MAP4K5: variants seen among roughly 807,000 people sequenced by gnomAD.
MAP4K5 encodes mitogen-activated protein kinase kinase kinase kinase 5.
Under a neutral mutation model 135.6 loss-of-function variants are expected in MAP4K5, and 82 were observed. The observed-to-expected ratio is 0.60, with a 90% CI of 0.51 to 0.73. MAP4K5 has a LOEUF of 0.73. MAP4K5 is among the 30% of genes least tolerant of loss of function. The pLI is 0.00. For synonymous variants in MAP4K5, 347 were observed against 335.0 expected, an observed-to-expected ratio of 1.04 and a Z score of -0.39; for missense variants, 907 against 1,010.9, an observed-to-expected ratio of 0.90 and a Z score of 1.39.
At chr14:50,493,378 T>G (rs552759495) in intron 3 of MAP4K5, among the ~76,000 whole-genome samples, 1 of 152,368 alleles carries the variant, frequency 6.6e-6, no homozygotes, top group East Asian at 1.9e-4. Context: ...TATGAAGTTC[T>G]GCATATCACA....
At chr14:50,507,330 G>GT (rs1363653575) in intron 2 of MAP4K5, among the ~76,000 whole-genome samples, 2 of 152,208 alleles carry the variant, frequency 1.3e-5, no homozygotes, top group South Asian at 2.1e-4. Context: ...TTTTTGAAGG[G>GT]TTTTTTGTGT....
chr14:50,536,020 T>C (rs2038487082), upstream of MAP4K5, among the ~76,000 whole-genome samples: 1 of 152,266 alleles, frequency 6.6e-6, no homozygotes, highest in Non-Finnish European at 1.5e-5. Context: ...CATGACTTGC[T>C]CTTCCTTGCC....
In MAP4K5 at chr14:50,444,250, C is replaced by T. The variant is rs997917336; in HGVS notation, c.1340-214G>A. Among the ~76,000 whole-genome samples, 9 of 151,922 alleles carry T rather than the reference C, an allele frequency of 5.9e-5. No individual in the cohort carries two copies. In the East Asian group the frequency reaches 1.3e-3, roughly 23 times the overall value. On this transcript the variant is annotated intron_variant, in intron 18 of 32. Coordinates refer to ENST00000682126, the MANE Select transcript of MAP4K5 (RefSeq NM_006575.6). ...GCAGTGGTCTTAATCCATGTTTTTC[C>T]GTATCATGAAGAAAAAAAATCTGAC...
intron 26 of MAP4K5, among the ~76,000 whole-genome samples, chr14:50,435,312 C>A (rs768596414): frequency 1.3e-5 from 2 of 152,122 alleles, no homozygotes; most frequent in African/African-American, 2.4e-5. Context: ...CAATAACAAC[C>A]TAACATGCAA....
In MAP4K5 at chr14:50,472,159, T is replaced by TA. The variant is rs60203442; in HGVS notation, c.542+2917dup. The TA allele has an allele frequency of 5.1e-3, 555 of 108,322 alleles. 1 individual carries two copies. The highest frequency in any genetic ancestry group is 0.012 in the South Asian group (44 of 3,530). 6.7% of individuals were successfully genotyped at this position (108,322 alleles called of 1,614,324 possible). ...ATACTGGAGAGAAACTCTATGAAGGTAAAAAAAAAAAAAAAAAAGTGGTAA... is the reference window on the plus strand; with the variant it reads ...ATACTGGAGAGAAACTCTATGAAGGTAAAAAAAAAAAAAAAAAAAGTGGTAA... On this transcript the variant is annotated intron_variant, in intron 9 of 32. Coordinates refer to ENST00000682126, the MANE Select transcript of MAP4K5 (RefSeq NM_006575.6).
At chr14:50,499,351 A>G (rs986161834) in intron 3 of MAP4K5, among the ~76,000 whole-genome samples, 2 of 152,124 alleles carry the variant, frequency 1.3e-5, no homozygotes, top group African/African-American at 4.8e-5. Context: ...CATTGGAACC[A>G]ACAAGGAATA....
chr14:50,518,556 G>A lies in MAP4K5; in HGVS notation c.108+13386C>T, dbSNP rs1422843831. On this transcript the variant is annotated intron_variant, in intron 2 of 32. Coordinates refer to ENST00000682126, the MANE Select transcript of MAP4K5 (RefSeq NM_006575.6). Reference sequence around the variant, plus strand: ...GGCTGGCTTCCACACAATTATACAGGTCTGGACAGGTGCTTCCTATCCCAT... The same window carrying A: ...GGCTGGCTTCCACACAATTATACAGATCTGGACAGGTGCTTCCTATCCCAT... 2.0e-5 allele frequency among the ~76,000 whole-genome samples: 3 copies of A among 152,266 alleles called. No homozygotes were observed. The East Asian group carries it at 5.8e-4, about 29-fold the overall frequency.
intron 23 of MAP4K5, among the ~76,000 whole-genome samples, chr14:50,438,589 G>A (rs1180142739): frequency 1.3e-5 from 2 of 151,934 alleles, no homozygotes; most frequent in African/African-American, 4.8e-5. Flanking sequence ...TAAGTAAGAG[G>A]GATGGATATG....
Position 50,432,733 on chromosome 14 carries a change from A to G in MAP4K5, c.2164+1661T>C, listed in dbSNP as rs1210113618. 2.0e-5 allele frequency among the ~76,000 whole-genome samples: 3 copies of G among 152,204 alleles called. No individual in the cohort carries two copies. In the East Asian group the frequency reaches 5.8e-4, roughly 29 times the overall value. On this transcript the variant is annotated intron_variant, in intron 28 of 32. Transcript: ENST00000682126. ...TGTATTAAATGACATGCTTTATACC[A>G]TGCTGATGAGCAAAAAAAAAAAGTT...
rs754413741 is a variant in MAP4K5, at chr14:50,448,754, C to T, written c.1074+20G>A. On this transcript the variant is annotated intron_variant, in intron 15 of 32. Transcript: ENST00000682126. ...CTCAAATCTTAATGTGAAAATAATG[C>T]TTTAAAAATGAATTCTTACCATTTC... The T allele has an allele frequency of 6.8e-7, 1 of 1,465,552 alleles. No individual in the cohort carries two copies. Among genetic ancestry groups the T allele is most frequent in the Non-Finnish European group, 9.3e-7 (1 of 1,077,050 alleles). 90.8% of individuals were successfully genotyped at this position (1,465,552 alleles called of 1,614,324 possible).
chr14:50,547,945 T>C (rs1034895488), intron 1 of MAP4K5, among the ~76,000 whole-genome samples: 5 of 152,206 alleles, frequency 3.3e-5, no homozygotes, highest in African/African-American at 1.2e-4. Context: ...AGTACCTATC[T>C]AGACTCTCTT....
At chr14:50,492,477 C>T (rs2037504823) in intron 3 of MAP4K5, among the ~76,000 whole-genome samples, 1 of 151,890 alleles carries the variant, frequency 6.6e-6, no homozygotes. Flanking sequence ...GCCTGTAGCC[C>T]CACCTACTCA....
At chr14:50,535,702 A>C (rs1372107060), upstream of MAP4K5, among the ~76,000 whole-genome samples, 1 of 152,236 alleles carries the variant, frequency 6.6e-6, no homozygotes, top group African/African-American at 2.4e-5. Flanking sequence ...ATTCAGGATT[A>C]GTATCAGGTC....
Position 50,443,945 on chromosome 14 carries a change from G to A in MAP4K5, c.1431C>T (p.Asp477=). 6.2e-7 allele frequency: 1 copy of A among 1,604,658 alleles called. No homozygotes were observed. Among genetic ancestry groups the A allele is most frequent in the Non-Finnish European group, 8.5e-7 (1 of 1,174,434 alleles). ...AAATGCCTGTTATACCTACAGGGAA[G>A]TCTCGTTTGTCCTTTTTTCGTGGTA... is the stretch of plus-strand genomic sequence containing the variant. ...PQLPRKKDKR[D]FPKPAINGLP... is the part of the protein sequence containing the mutation. Residue 477 remains aspartate, a synonymous_variant, in exon 19 of 33, where the codon GAC becomes GAT. Transcript: ENST00000682126.
intron 2 of MAP4K5, among the ~76,000 whole-genome samples, chr14:50,523,016 T>G (rs2038183523): frequency 6.6e-6 from 1 of 152,070 alleles, no homozygotes; most frequent in Admixed American, 6.6e-5. Flanking sequence ...TGAACTTAAT[T>G]AAAAATCACA....
At chr14:50,531,076 T>C (rs972630263) in intron 2 of MAP4K5, among the ~76,000 whole-genome samples, 1 of 152,218 alleles carries the variant, frequency 6.6e-6, no homozygotes, top group Admixed American at 6.5e-5. Context: ...CCCTTAATAT[T>C]CATAGGCTGC....
intron 9 of MAP4K5, among the ~76,000 whole-genome samples, chr14:50,470,673 C>G (rs1431023206): frequency 2.0e-5 from 3 of 151,890 alleles, no homozygotes; most frequent in Admixed American, 2.0e-4. Flanking sequence ...CACACACACA[C>G]ACACACACAC....
chr14:50,460,946 T>C (rs951454202), intron 13 of MAP4K5, among the ~76,000 whole-genome samples: 2 of 152,222 alleles, frequency 1.3e-5, no homozygotes, highest in African/African-American at 4.8e-5. Flanking sequence ...GTTTTGATAT[T>C]AGATGAGTTA....
In MAP4K5 at chr14:50,485,601, C is replaced by A; in HGVS notation, c.299G>T (p.Gly100Val). The change falls in exon 5 of 33, where the codon GGA (glycine) becomes GTA (valine). Residue 100 changes from glycine (G) to valine (V), a missense_variant. By Grantham distance (109) the Gly-to-Val change is moderately radical. This residue lies in a region of MAP4K5 where 196 missense variants were observed against 189.3 expected (regional missense o/e 1.04). Coordinates refer to ENST00000682126, the MANE Select transcript of MAP4K5 (RefSeq NM_006575.6). The part of the protein sequence containing the change: ...LWICMEYCGG[G>V]SLQDIYHVTG... ...ACCATGGTAAATATCTTGAAGTGAT[C>A]CGCCACCACAGTATTCCATACAAAT... is the stretch of plus-strand genomic sequence containing the variant. 6.4e-7 allele frequency: 1 copy of A among 1,552,530 alleles called. No homozygotes were observed. The highest frequency in any genetic ancestry group is 8.7e-7 in the Non-Finnish European group (1 of 1,145,838).
Sources: gnomAD v4.1 joint callset for allele counts (sites outside exome capture counted in the v4.1 genomes callset) on GRCh38, gnomAD v4.1.1 for gene constraint, gnomAD v4.1.1 regional missense constraint, MANE v1.5 for transcripts, NCBI Gene and HGNC (gene_info 2026-07-23, HGNC 2026-07-21) for gene names.